Variants in COL19A1 observed in about 807,000 individuals in gnomAD.
COL19A1 encodes the protein collagen alpha-1(XIX) chain.
In COL19A1, 159 loss-of-function variants were observed where a neutral mutation model predicts 190.2. The ratio of observed to expected loss-of-function variants is 0.84; its 90% confidence interval spans 0.73 to 0.95. COL19A1 has a LOEUF of 0.95. Among genes scored for constraint, COL19A1 ranks in the 40% least tolerant of loss-of-function variants. The pLI is 0.00. For synonymous variants in COL19A1, 509 were observed against 458.9 expected (o/e 1.11, Z -1.39); for missense variants, 1,418 against 1,431.9 (o/e 0.99, Z 0.16).
Position 70,161,884 on chromosome 6 carries a change from G to C in COL19A1, c.2293-16G>C. 1 of 1,600,750 alleles carries C rather than the reference G, an allele frequency of 6.2e-7. No homozygotes were observed. The highest frequency in any genetic ancestry group is 8.5e-7 in the Non-Finnish European group (1 of 1,174,228). On this transcript the variant is annotated splice_polypyrimidine_tract_variant and intron_variant, in intron 34 of 50. Transcript: ENST00000620364. ...AATGATATAACAGATTTTATGATGG[G>C]AACTATCTTTTCCAGGGTCTTCAAG...
chr6:70,023,699 TC>T lies in COL19A1; in HGVS notation c.1080+20del. On this transcript the variant is annotated intron_variant, in intron 12 of 50. Coordinates refer to ENST00000620364, the MANE Select transcript of COL19A1 (RefSeq NM_001858.6). ...AGAAAATGTAAGCCTAACTCTTTTT[TC>T]TGATACTCTGTTTACATTTTACCAC... The T allele has an allele frequency of 6.3e-7, 1 of 1,599,930 alleles. No individual in the cohort carries two copies. The highest frequency in any genetic ancestry group is 8.5e-7 in the Non-Finnish European group (1 of 1,173,656).
chr6:69,932,661 T>C (rs921519598), intron 6 of COL19A1, 122 bp from the exon 7 acceptor site: 4 of 589,170 alleles, frequency 6.8e-6, no homozygotes, highest in African/African-American at 1.9e-5. Context: ...CATTAAAATA[T>C]CCACCAGTAA....
intron 15 of COL19A1, among the ~76,000 whole-genome samples, chr6:70,080,130 A>G (rs1450915441): frequency 6.6e-6 from 1 of 152,224 alleles, no homozygotes. Context: ...CACATTGCAT[A>G]TGCATATTCT....
At chr6:70,037,515 C>G (rs957145201) in intron 14 of COL19A1, among the ~76,000 whole-genome samples, 3 of 152,122 alleles carry the variant, frequency 2.0e-5, no homozygotes, top group African/African-American at 7.2e-5. Flanking sequence ...TAAACCTGCT[C>G]TTTTTACTTA....
intron 12 of COL19A1, among the ~76,000 whole-genome samples, chr6:70,030,681 G>A (rs1779010317): frequency 6.6e-6 from 1 of 152,084 alleles, no homozygotes; most frequent in Non-Finnish European, 1.5e-5. Context: ...TTTTACACAA[G>A]CAAAAAGAGA....
At chr6:70,180,381 C>T (rs1216903928) in intron 43 of COL19A1, 25 bp downstream of exon 43, 3 of 1,614,094 alleles carry the variant, frequency 1.9e-6, no homozygotes, top group Admixed American at 1.7e-5. Flanking sequence ...ACTTTCATGA[C>T]AGTTGTACTT....
chr6:70,146,229 CT>C (rs1364837748), intron 25 of COL19A1, among the ~76,000 whole-genome samples: 1 of 152,060 alleles, frequency 6.6e-6, no homozygotes. Flanking sequence ...GAAAAACTAC[CT>C]GAAATTTCTC....
chr6:70,180,596 C>A, intron 44 of COL19A1, 73 bp downstream of exon 44: 1 of 1,488,422 alleles, frequency 6.7e-7, no homozygotes, highest in Non-Finnish European at 9.4e-7. Context: ...TCTACCACCT[C>A]AGAAATTCTG....
At chr6:70,052,411 A>T (rs1440487336) in intron 14 of COL19A1, among the ~76,000 whole-genome samples, 2 of 152,194 alleles carry the variant, frequency 1.3e-5, no homozygotes, top group Admixed American at 1.3e-4. Flanking sequence ...GCTCTTGGGC[A>T]TTGCATTTGT....
At chr6:70,113,514 T>C (rs990136268) in intron 16 of COL19A1, among the ~76,000 whole-genome samples, 2 of 152,206 alleles carry the variant, frequency 1.3e-5, no homozygotes, top group Non-Finnish European at 2.9e-5. Flanking sequence ...CAATATACTC[T>C]CTTGATTAGC....
intron 31 of COL19A1, among the ~76,000 whole-genome samples, chr6:70,155,609 T>A (rs771788559): frequency 5.9e-5 from 9 of 152,164 alleles, no homozygotes; most frequent in Non-Finnish European, 1.3e-4. Context: ...TTCTCTCGAG[T>A]GCCTCCACTG....
chr6:70,197,584 G>A (rs972246479), intron 48 of COL19A1, among the ~76,000 whole-genome samples: 7 of 152,146 alleles, frequency 4.6e-5, no homozygotes, highest in Admixed American at 1.3e-4. Context: ...TCAGTATGAT[G>A]ATTTGTAAAA....
chr6:70,038,398 A>T lies in COL19A1; in HGVS notation c.1170+2459A>T, dbSNP rs536568789. Among the ~76,000 whole-genome samples, 4 of 152,318 alleles carry T rather than the reference A, an allele frequency of 2.6e-5. No homozygotes were observed. In the South Asian group the frequency reaches 8.3e-4, roughly 32 times the overall value. On this transcript the variant is annotated intron_variant, in intron 14 of 50. Transcript: ENST00000620364. ...AGAGTTGAGAACCATTATTTATGGG[A>T]ACTAGAATGGAAAAAGCTTTCTTCC...
At chr6:70,140,876 A>G (rs995231028) in intron 19 of COL19A1, 78 bp from the exon 20 acceptor site, 15 of 1,387,502 alleles carry the variant, frequency 1.1e-5, no homozygotes, top group South Asian at 8.2e-5. Flanking sequence ...AGTTTGGCCT[A>G]TAGGGTTTAT....
chr6:70,108,133 A>C (rs1182590867), intron 16 of COL19A1, among the ~76,000 whole-genome samples: 1 of 152,178 alleles, frequency 6.6e-6, no homozygotes, highest in African/African-American at 2.4e-5. Flanking sequence ...AGGAGAATTT[A>C]ACTAATGAGC....
In COL19A1 at chr6:70,156,193, G is replaced by T. The variant is rs1392458633; in HGVS notation, c.2146G>T (p.Ala716Ser). 1.9e-6 allele frequency: 3 copies of T among 1,613,380 alleles called. No individual in the cohort carries two copies. The highest frequency in any genetic ancestry group is 3.3e-5 in the Admixed American group (2 of 59,888). The change falls in exon 32 of 51, where the codon GCT becomes TCT. Residue 716 changes from alanine (A) to serine (S), a missense_variant. Coordinates refer to ENST00000620364, the MANE Select transcript of COL19A1 (RefSeq NM_001858.6). Reference sequence around the variant, plus strand: ...AAGCAACAAAGGAGAAGAAGGAGGTGCTGGTGAGCCTGGAAAGTATGATTC... The same window carrying T: ...AAGCAACAAAGGAGAAGAAGGAGGTTCTGGTGAGCCTGGAAAGTATGATTC... ...LKSNKGEEGGAGEPGKYDSMA... is the reference protein window; with the variant it reads ...LKSNKGEEGGSGEPGKYDSMA...
At chr6:69,903,942 A>G (rs1388881738) in intron 4 of COL19A1, among the ~76,000 whole-genome samples, 1 of 152,192 alleles carries the variant, frequency 6.6e-6, no homozygotes, top group Non-Finnish European at 1.5e-5. Context: ...AGATCATGAC[A>G]CATGGTGGGG....
intron 14 of COL19A1, among the ~76,000 whole-genome samples, chr6:70,066,041 C>A (rs1208236761): frequency 6.6e-6 from 1 of 152,162 alleles, no homozygotes; most frequent in Admixed American, 6.6e-5. Context: ...GACAATGCAG[C>A]GATTCCTCAG....
intron 15 of COL19A1, among the ~76,000 whole-genome samples, chr6:70,094,638 A>C (rs1304734490): frequency 6.6e-6 from 1 of 152,188 alleles, no homozygotes; most frequent in Non-Finnish European, 1.5e-5. Context: ...TTCTCTTCTT[A>C]ATGCTTCTAA....
Sources: gnomAD v4.1 joint callset for allele counts (sites outside exome capture counted in the v4.1 genomes callset) on GRCh38, gnomAD v4.1.1 for gene constraint, MANE v1.5 for transcripts, NCBI Gene and HGNC (gene_info 2026-07-23, HGNC 2026-07-21) for gene names.